ASXL3: variants seen among roughly 807,000 people sequenced by gnomAD.
ASXL3 encodes putative Polycomb group protein ASXL3.
A neutral mutation model predicts 170.6 loss-of-function variants in ASXL3; 34 were observed. The observed-to-expected ratio is 0.20, with a 90% CI of 0.15 to 0.27. ASXL3 has a LOEUF of 0.27. Among genes scored for constraint, ASXL3 ranks in the 10% least tolerant of loss-of-function variants. The pLI, the probability that ASXL3 is intolerant of heterozygous loss-of-function variation, is 1.00. For missense variants in ASXL3, 2,592 were observed against 2,695.3 expected (o/e 0.96, Z 0.85); for synonymous variants, 1,002 against 989.1 (o/e 1.01, Z -0.24).
chr18:33,639,114 A>G (rs1568296704), intron 2 of ASXL3, among the ~76,000 whole-genome samples: 1 of 152,128 alleles, frequency 6.6e-6, no homozygotes. Context: ...GTTGGTTACT[A>G]TGGTTAGCAG....
chr18:33,717,698 G>A (rs139817346), intron 8 of ASXL3, among the ~76,000 whole-genome samples: 70 of 152,170 alleles, frequency 4.6e-4, no homozygotes, highest in African/African-American at 1.6e-3. Flanking sequence ...ATGCTTTGTG[G>A]GTTGGGAGAG....
At chr18:33,713,532 G>A (rs567639870) in intron 8 of ASXL3, among the ~76,000 whole-genome samples, 1 of 152,032 alleles carries the variant, frequency 6.6e-6, no homozygotes, top group South Asian at 2.1e-4. Context: ...TGGGATTACA[G>A]GCGTGAGCCA....
chr18:33,645,595 A>C (rs1257629469), intron 3 of ASXL3, among the ~76,000 whole-genome samples: 1 of 152,026 alleles, frequency 6.6e-6, no homozygotes, highest in Non-Finnish European at 1.5e-5. Flanking sequence ...GGGAAATGCC[A>C]CCTGAAATGC....
intron 7 of ASXL3, among the ~76,000 whole-genome samples, chr18:33,672,515 T>A (rs1265021419): frequency 6.6e-6 from 1 of 152,180 alleles, no homozygotes; most frequent in African/African-American, 2.4e-5. Context: ...AAAATAAACA[T>A]ATCCTGGTTT....
chr18:33,685,706 A>G (rs1599492534), intron 8 of ASXL3, among the ~76,000 whole-genome samples: 1 of 152,190 alleles, frequency 6.6e-6, no homozygotes, highest in East Asian at 1.9e-4. Flanking sequence ...TGAGGGCCTC[A>G]GGAAGCTTAT....
At chr18:33,647,192 C>A (rs1416599618) in intron 4 of ASXL3, among the ~76,000 whole-genome samples, 2 of 151,938 alleles carry the variant, frequency 1.3e-5, no homozygotes, top group African/African-American at 2.4e-5. Context: ...CAGTAATAAC[C>A]CAAAGTCATT....
intron 5 of ASXL3, among the ~76,000 whole-genome samples, chr18:33,666,512 T>C (rs2066258204): frequency 6.6e-6 from 1 of 152,176 alleles, no homozygotes; most frequent in Non-Finnish European, 1.5e-5. Flanking sequence ...ATCTTCTTAA[T>C]CCTATTTTCT....
chr18:33,635,558 G>A (rs968521897), intron 2 of ASXL3, among the ~76,000 whole-genome samples: 1 of 152,104 alleles, frequency 6.6e-6, no homozygotes, highest in Non-Finnish European at 1.5e-5. Context: ...TTCTGTATCT[G>A]TTTTTGAAAA....
Position 33,578,659 on chromosome 18 carries a change from C to T in ASXL3, c.28C>T (p.Arg10Cys), listed in dbSNP as rs772436861. The part of the protein sequence containing the change: MKDKRKKKD[R>C]TWAEAARLAL... The stretch of plus-strand genomic sequence containing the variant: ...GAAAGACAAGAGGAAGAAGAAGGAC[C>T]GCACCTGGGCCGAGGCTGCCCGCCT... Residue 10 changes from arginine (R) to cysteine (C), a missense_variant, in exon 1 of 12, where the codon CGC becomes TGC. Arg to Cys is a radical substitution (Grantham distance 180, BLOSUM62 -3). This residue lies in a region of ASXL3 where 251 missense variants were observed against 281.9 expected (regional missense o/e 0.89). Transcript: ENST00000269197. 1.5e-6 allele frequency: 2 copies of T among 1,356,914 alleles called. No homozygotes were observed. Among genetic ancestry groups the T allele is most frequent in the Non-Finnish European group, 1.9e-6 (2 of 1,029,506 alleles). 84.1% of individuals were successfully genotyped at this position (1,356,914 alleles called of 1,614,324 possible). A position where few individuals can be genotyped will look rare whatever the true frequency, so the allele number is the denominator to read the frequency against.
In ASXL3 at chr18:33,745,894, C is replaced by G; in HGVS notation, c.6046C>G (p.His2016Asp). Residue 2016 changes from histidine (H) to aspartate (D), a missense_variant, in exon 12 of 12, where the codon CAT (histidine) becomes GAT (aspartate). By Grantham distance (81) the His-to-Asp change is moderately conservative. Coordinates refer to ENST00000269197, the MANE Select transcript of ASXL3 (RefSeq NM_030632.3). ...AHTMPNKALV[H>D]PPPPPPPPPP... is the part of the protein sequence containing the mutation. ...CACAATGCCAAACAAAGCACTAGTA[C>G]ATCCGCCGCCGCCACCGCCTCCCCC... The G allele has an allele frequency of 6.2e-7, 1 of 1,611,850 alleles. No homozygotes were observed. Among genetic ancestry groups the G allele is most frequent in the Non-Finnish European group, 8.5e-7 (1 of 1,179,726 alleles).
In ASXL3 at chr18:33,745,203, C is replaced by G. The variant is rs1568367930; in HGVS notation, c.5355C>G (p.Thr1785=). Residue 1785 remains threonine (T), a synonymous_variant, in exon 12 of 12, where the codon ACC becomes ACG. Transcript: ENST00000269197. ...INRLPLPLQT[T]SVGKTAPERN... The stretch of plus-strand genomic sequence containing the variant: ...GGCTTCCATTGCCTCTTCAAACTAC[C>G]TCAGTGGGTAAAACAGCACCAGAGA... 1.2e-6 allele frequency: 2 copies of G among 1,614,040 alleles called. No individual in the cohort carries two copies. Among genetic ancestry groups the G allele is most frequent in the Non-Finnish European group, 1.7e-6 (2 of 1,179,898 alleles).
chr18:33,685,435 G>A (rs909725070), intron 8 of ASXL3, among the ~76,000 whole-genome samples: 7 of 152,082 alleles, frequency 4.6e-5, no homozygotes, highest in African/African-American at 1.7e-4. Context: ...TTAGAATTTA[G>A]GTGTTAGAAA....
chr18:33,740,159 G>T lies in ASXL3; in HGVS notation c.2755G>T (p.Gly919Cys). ...SSVDKAPFSE[G>C]SRNKTHKQGS... ...AGTGGATAAGGCTCCATTTTCAGAA[G>T]GCTCTAGAAATAAAACACATAAGCA... Residue 919 changes from glycine to cysteine, a missense_variant, in exon 11 of 12, where the codon GGC becomes TGC. Around this residue, in one of 4 missense-constraint regions of ASXL3, gnomAD observed 2,246 missense variants for 2,219.6 expected, o/e 1.01. Coordinates refer to ENST00000269197, the MANE Select transcript of ASXL3 (RefSeq NM_030632.3). The T allele has an allele frequency of 1.9e-6, 3 of 1,613,880 alleles. No individual in the cohort carries two copies. The highest frequency in any genetic ancestry group is 1.6e-4 in the Middle Eastern group (1 of 6,062).
At chr18:33,692,557 A>G (rs1417821299) in intron 8 of ASXL3, among the ~76,000 whole-genome samples, 1 of 151,632 alleles carries the variant, frequency 6.6e-6, no homozygotes, top group Non-Finnish European at 1.5e-5. Context: ...CATCTAAAAC[A>G]CCTTCTTTAG....
intron 5 of ASXL3, among the ~76,000 whole-genome samples, chr18:33,663,475 T>A (rs895697236): frequency 1.3e-5 from 2 of 152,188 alleles, no homozygotes; most frequent in African/African-American, 4.8e-5. Flanking sequence ...ACTAAAACAT[T>A]ACAAAATTTT....
chr18:33,611,545 C>T (rs1276914451), intron 2 of ASXL3, among the ~76,000 whole-genome samples: 1 of 152,036 alleles, frequency 6.6e-6, no homozygotes, highest in Non-Finnish European at 1.5e-5. Flanking sequence ...GAAGGCTTTT[C>T]AGATGATTGG....
At chr18:33,697,173 T>A (rs897588246) in intron 8 of ASXL3, among the ~76,000 whole-genome samples, 2 of 152,156 alleles carry the variant, frequency 1.3e-5, no homozygotes, top group Non-Finnish European at 1.5e-5. Context: ...ACCCTTTATG[T>A]GTTACTGAAA....
intron 1 of ASXL3, among the ~76,000 whole-genome samples, chr18:33,580,289 G>C (rs1191462480): frequency 6.6e-6 from 1 of 152,174 alleles, no homozygotes; most frequent in African/African-American, 2.4e-5. Context: ...TTAAGTAGAT[G>C]CCAGATTGAT....
chr18:33,578,868 G>T (rs899547217), intron 1 of ASXL3, 183 bp downstream of exon 1: 9 of 240,494 alleles, frequency 3.7e-5, no homozygotes, highest in Admixed American at 5.9e-5. Context: ...GTGCGTGCGC[G>T]CGCGGAGGGG....
Sources: gnomAD v4.1 joint callset for allele counts (sites outside exome capture counted in the v4.1 genomes callset) on GRCh38, gnomAD v4.1.1 for gene constraint, gnomAD v4.1.1 regional missense constraint, MANE v1.5 for transcripts, NCBI Gene and HGNC (gene_info 2026-07-23, HGNC 2026-07-21) for gene names.